KANK1: variants seen among roughly 807,000 people sequenced by gnomAD.
KANK1 encodes KN motif and ankyrin repeat domains 1, also known as KN motif and ankyrin repeat domain-containing protein 1.
In KANK1, 109 loss-of-function variants were observed where a neutral mutation model predicts 106.2. The observed-to-expected ratio is 1.03, with a 90% CI of 0.88 to 1.20. The LOEUF (loss-of-function observed/expected upper bound fraction) is 1.20, where lower values mean the gene tolerates loss of function less well. KANK1 is among the 50% of genes most tolerant of loss of function. The pLI, the probability that KANK1 is intolerant of heterozygous loss-of-function variation, is 0.00. For synonymous variants in KANK1, 873 were observed against 652.2 expected (o/e 1.34, Z -5.16); for missense variants, 2,399 against 1,710.7 (o/e 1.40, Z -7.10).
intron 1 of KANK1, among the ~76,000 whole-genome samples, chr9:659,576 G>T (rs1588655909): frequency 6.6e-6 from 1 of 152,268 alleles, no homozygotes; most frequent in African/African-American, 2.4e-5. Flanking sequence ...AAGAAAAAAG[G>T]CTTAATCGAC....
At chr9:696,031 G>T (rs1272522358) in intron 2 of KANK1, among the ~76,000 whole-genome samples, 2 of 152,118 alleles carry the variant, frequency 1.3e-5, no homozygotes, top group African/African-American at 4.8e-5. Flanking sequence ...GGTGGCTCAT[G>T]CCTGTAATCC....
At chr9:522,262 A>G (rs2059587003) in intron 1 of KANK1, among the ~76,000 whole-genome samples, 2 of 151,864 alleles carry the variant, frequency 1.3e-5, no homozygotes, top group African/African-American at 4.9e-5. Flanking sequence ...AAATATAGTT[A>G]CATCTAGTTT....
At chr9:527,386 A>T (rs2059839053) in intron 1 of KANK1, among the ~76,000 whole-genome samples, 1 of 151,530 alleles carries the variant, frequency 6.6e-6, no homozygotes, top group African/African-American at 2.4e-5. Context: ...GCGGCAGCCT[A>T]CGCCACCCAG....
intron 1 of KANK1, among the ~76,000 whole-genome samples, chr9:666,495 G>A (rs901587341): frequency 1.3e-5 from 2 of 152,006 alleles, no homozygotes; most frequent in African/African-American, 4.8e-5. Flanking sequence ...TGAAAGTAGT[G>A]AAAGTGCACC....
At chr9:496,530 C>A (rs1376822961) in intron 3 of KANK1, among the ~76,000 whole-genome samples, 1 of 152,038 alleles carries the variant, frequency 6.6e-6, no homozygotes, top group Non-Finnish European at 1.5e-5. Flanking sequence ...GCACTCCAGC[C>A]TGGACAACAG....
chr9:500,297 C>T (rs1375334248), upstream of KANK1, among the ~76,000 whole-genome samples: 1 of 152,174 alleles, frequency 6.6e-6, no homozygotes, highest in Non-Finnish European at 1.5e-5. Flanking sequence ...GACATGTCAG[C>T]TATGGAGTTA....
At chr9:475,386 A>C (rs117781329) in intron 3 of KANK1, among the ~76,000 whole-genome samples, 5,624 of 152,314 alleles carry the variant, frequency 0.037, 160 homozygotes, top group Non-Finnish European at 0.056. Flanking sequence ...GCCAACCTGT[A>C]AGACCGCAAG....
At chr9:551,053 G>A (rs1382468538) in intron 1 of KANK1, among the ~76,000 whole-genome samples, 1 of 151,962 alleles carries the variant, frequency 6.6e-6, no homozygotes, top group African/African-American at 2.4e-5. Context: ...AGCCAAGATG[G>A]AAAATGGATG....
chr9:502,762 G>C (rs149781371), upstream of KANK1, among the ~76,000 whole-genome samples: 1 of 152,140 alleles, frequency 6.6e-6, no homozygotes, highest in Non-Finnish European at 1.5e-5. Context: ...CTGGCCTCAA[G>C]TGATCCACCC....
intron 2 of KANK1, among the ~76,000 whole-genome samples, chr9:689,202 CTG>C (rs978056124): frequency 6.6e-6 from 1 of 152,202 alleles, no homozygotes; most frequent in East Asian, 1.9e-4. Flanking sequence ...GCAATCCAGA[CTG>C]TGAAGAAAGC....
At chr9:513,644 TTTGTG>T (rs1426562519) in intron 1 of KANK1, among the ~76,000 whole-genome samples, 1 of 152,236 alleles carries the variant, frequency 6.6e-6, no homozygotes, top group Admixed American at 6.5e-5. Flanking sequence ...AGAATGTAAA[TTTGTG>T]TTTGATATCT....
intron 3 of KANK1, among the ~76,000 whole-genome samples, chr9:491,869 T>C (rs1340300165): frequency 6.6e-6 from 1 of 151,900 alleles, no homozygotes; most frequent in Non-Finnish European, 1.5e-5. Flanking sequence ...GATCTGATGG[T>C]TTTCAAAATG....
intron 2 of KANK1, chr9:686,862 C>G: frequency 2.0e-6 from 2 of 985,298 alleles, no homozygotes; most frequent in Non-Finnish European, 2.4e-6. Context: ...CTGGAATTCA[C>G]AACACCTCAG....
chr9:693,782 G>A (rs1820551878), intron 2 of KANK1: 2 of 985,202 alleles, frequency 2.0e-6, no homozygotes, highest in East Asian at 1.1e-4. Flanking sequence ...TTTGTTTCTG[G>A]GTGGGTAAGT....
intron 1 of KANK1, among the ~76,000 whole-genome samples, chr9:633,426 C>T (rs964153715): frequency 1.2e-4 from 18 of 152,256 alleles, no homozygotes; most frequent in African/African-American, 4.3e-4. Context: ...CCCCTGCACT[C>T]CAGCCTGGGT....
chr9:640,514 C>T (rs918670983), intron 1 of KANK1, among the ~76,000 whole-genome samples: 12 of 151,966 alleles, frequency 7.9e-5, no homozygotes, highest in African/African-American at 1.5e-4. Flanking sequence ...TCTTCCACCT[C>T]AGCCTCCTGA....
upstream of KANK1, among the ~76,000 whole-genome samples, chr9:504,517 C>T (rs1033504776): frequency 6.7e-6 from 1 of 149,666 alleles, no homozygotes; most frequent in Admixed American, 6.6e-5. Context: ...TTCGCCGGCC[C>T]GCGCCGTTCT....
chr9:737,234 GA>G (rs1184844562), intron 7 of KANK1, among the ~76,000 whole-genome samples: 1 of 152,172 alleles, frequency 6.6e-6, no homozygotes, highest in East Asian at 1.9e-4. Flanking sequence ...GAAAAAAAAG[GA>G]CACTCTTCAA....
intron 1 of KANK1, among the ~76,000 whole-genome samples, chr9:508,092 G>T (rs1373831631): frequency 6.9e-6 from 1 of 144,100 alleles, no homozygotes; most frequent in Non-Finnish European, 1.5e-5. Context: ...AAAGTGTTGG[G>T]ATTACAGGTG....
Sources: allele counts gnomAD v4.1 joint callset (sites outside exome capture counted in the v4.1 genomes callset), GRCh38; gene constraint gnomAD v4.1.1; transcripts MANE v1.5; gene names NCBI Gene and HGNC (gene_info 2026-07-23, HGNC 2026-07-21).